The following CC2D2B variants were observed in gnomAD, a reference collection of about 807,000 sequenced individuals.
CC2D2B encodes the protein protein CC2D2B.
A neutral mutation model predicts 161.2 loss-of-function variants in CC2D2B; 128 were observed. The ratio of observed to expected loss-of-function variants is 0.79; its 90% CI spans 0.69 to 0.92. CC2D2B has a LOEUF of 0.92. Among genes scored for constraint, CC2D2B ranks in the 40% least tolerant of loss-of-function variants. The pLI, the probability that CC2D2B is intolerant of heterozygous loss-of-function variation, is 0.00. For missense variants in CC2D2B, 1,173 were observed against 1,375.1 expected (o/e 0.85, Z 2.32); for synonymous variants, 391 against 449.8 (o/e 0.87, Z 1.65).
At chr10:95,960,304 T>G (rs1306171614) in intron 11 of CC2D2B, among the ~76,000 whole-genome samples, 1 of 152,190 alleles carries the variant, frequency 6.6e-6, no homozygotes, top group Non-Finnish European at 1.5e-5. Flanking sequence ...TTACAAAAAA[T>G]GTTGGTAACA....
chr10:95,976,580 A>G (rs1405433900), intron 17 of CC2D2B, among the ~76,000 whole-genome samples: 1 of 152,168 alleles, frequency 6.6e-6, no homozygotes, highest in African/African-American at 2.4e-5. Flanking sequence ...GGTTCTAGGA[A>G]TTGGGATGGG....
intron 25 of CC2D2B, among the ~76,000 whole-genome samples, chr10:96,004,577 T>C (rs190671535): frequency 7.7e-4 from 118 of 152,318 alleles, no homozygotes; most frequent in Middle Eastern, 3.4e-3. Flanking sequence ...TACATATATC[T>C]TATTATCTGA....
At chr10:95,955,317 C>T (rs1033821344) in intron 10 of CC2D2B, 77 bp from the exon 11 acceptor site, 2 of 396,368 alleles carry the variant, frequency 5.0e-6, no homozygotes, top group African/African-American at 4.1e-5. Flanking sequence ...CTGCACACAC[C>T]TTGACCTACA....
At chr10:95,976,021 A>G (rs539308652) in intron 17 of CC2D2B, among the ~76,000 whole-genome samples, 1 of 152,286 alleles carries the variant, frequency 6.6e-6, no homozygotes, top group Non-Finnish European at 1.5e-5. Context: ...ACTTTTATGC[A>G]GGTAATTTGC....
chr10:96,006,294 T>G (rs2078745945), intron 25 of CC2D2B, among the ~76,000 whole-genome samples: 1 of 149,542 alleles, frequency 6.7e-6, no homozygotes, highest in Admixed American at 6.7e-5. Context: ...GCTATGTATT[T>G]TATATTTAGT....
intron 25 of CC2D2B, among the ~76,000 whole-genome samples, chr10:96,006,962 TC>T (rs777619744): frequency 2.0e-5 from 3 of 152,196 alleles, no homozygotes; most frequent in Non-Finnish European, 2.9e-5. Flanking sequence ...GTATTGTTGA[TC>T]TTAAAATTCT....
intron 6 of CC2D2B, among the ~76,000 whole-genome samples, chr10:95,934,435 A>G (rs2075734097): frequency 9.1e-6 from 1 of 110,078 alleles, no homozygotes; most frequent in Non-Finnish European, 1.9e-5. Context: ...CCACTGGGGT[A>G]TGAAAAAAAA....
intron 1 of CC2D2B, among the ~76,000 whole-genome samples, chr10:95,909,002 T>C (rs2098501313): frequency 6.6e-6 from 1 of 152,166 alleles, no homozygotes; most frequent in South Asian, 2.1e-4. Context: ...CAAATCTTTC[T>C]TGATCTACAG....
chr10:95,910,118 T>G (rs950439080), intron 1 of CC2D2B, among the ~76,000 whole-genome samples: 1 of 152,212 alleles, frequency 6.6e-6, no homozygotes, highest in Admixed American at 6.5e-5. Context: ...ATCATGCCAC[T>G]GCACTTCAGC....
Position 95,992,535 on chromosome 10 carries a change from C to T in CC2D2B, c.2480C>T (p.Thr827Ile). 8.1e-7 allele frequency: 1 copy of T among 1,234,078 alleles called. No individual in the cohort carries two copies. The highest frequency in any genetic ancestry group is 4.1e-5 in the South Asian group (1 of 24,388). The allele number at this position is 1,234,078 out of a possible 1,614,324, so 76.4% of individuals were successfully genotyped here. The change falls in exon 22 of 35, where the codon ACA becomes ATA. Residue 827 changes from threonine to isoleucine, a missense_variant. Physicochemically the swap from Thr to Ile is moderately conservative, Grantham distance 89. Around this residue, in one of 3 missense-constraint regions of CC2D2B, gnomAD observed 598 missense variants for 693.2 expected, o/e 0.86. Transcript: ENST00000646931. ...YEEIVSTSQL[T>I]DAVCKFVEPR... ...CATTTTTTACCCTTTAGCCAATTGA[C>T]AGATGCAGTTTGTAAGTTTGTTGAA...
chr10:96,029,247 T>C (rs2079923872), intron 34 of CC2D2B, among the ~76,000 whole-genome samples: 3 of 16,594 alleles, frequency 1.8e-4, no homozygotes, highest in Middle Eastern at 0.02. Context: ...GTACCATATA[T>C]ATATATATAT....
intron 20 of CC2D2B, among the ~76,000 whole-genome samples, chr10:95,989,392 C>T (rs578185860): frequency 5.9e-5 from 9 of 152,254 alleles, no homozygotes; most frequent in Admixed American, 2.6e-4. Context: ...GAATGTGGAC[C>T]GCTGTAGCTC....
chr10:95,958,525 A>T (rs2076656837), intron 11 of CC2D2B, among the ~76,000 whole-genome samples: 1 of 146,242 alleles, frequency 6.8e-6, no homozygotes, highest in Non-Finnish European at 1.5e-5. Context: ...TAATTAAATA[A>T]ACCACATATA....
Position 95,983,747 on chromosome 10 carries a change from G to C in CC2D2B, c.2224G>C (p.Asp742His), listed in dbSNP as rs4628615. The C allele has an allele frequency of 8.1e-7, 1 of 1,231,304 alleles. No homozygotes were observed. Among genetic ancestry groups the C allele is most frequent in the Non-Finnish European group, 1.0e-6 (1 of 987,298 alleles). The allele number at this position is 1,231,304 out of a possible 1,614,324, so 76.3% of individuals were successfully genotyped here. A position where few individuals can be genotyped will look rare whatever the true frequency, so the allele number is the denominator to read the frequency against. ...LLQLRNAGQL[D>H]NFLLQQMPLH... ...GCAACTTAGAAATGCAGGTCAATTA[G>C]ATAATTTCCTTCTACAGCAAATGCC... The change falls in exon 19 of 35, where the codon GAT (aspartate) becomes CAT (histidine). Residue 742 changes from aspartate to histidine, a missense_variant. This residue lies in a region of CC2D2B where 277 missense variants were observed against 420.6 expected (regional missense o/e 0.66). Coordinates refer to ENST00000646931, the MANE Select transcript of CC2D2B (RefSeq NM_001349008.3).
chr10:95,919,759 T>C (rs914900197), intron 2 of CC2D2B: 1 of 152,180 alleles, frequency 6.6e-6, no homozygotes, highest in Non-Finnish European at 1.5e-5. Flanking sequence ...CAGGTTCCCT[T>C]CTGGCCCAGG....
chr10:96,014,572 A>C (rs1468761767), intron 29 of CC2D2B, among the ~76,000 whole-genome samples: 1 of 152,220 alleles, frequency 6.6e-6, no homozygotes, highest in South Asian at 2.1e-4. Flanking sequence ...AAACAAACAA[A>C]CAACCTTGGT....
At chr10:96,002,149 C>T (rs1040817948) in intron 24 of CC2D2B, among the ~76,000 whole-genome samples, 2 of 152,048 alleles carry the variant, frequency 1.3e-5, no homozygotes, top group African/African-American at 4.8e-5. Flanking sequence ...TATAAGTGAA[C>T]TAATGAGAAG....
intron 14 of CC2D2B, among the ~76,000 whole-genome samples, chr10:95,967,760 C>T (rs1045030527): frequency 9.9e-5 from 15 of 152,062 alleles, no homozygotes; most frequent in Admixed American, 8.5e-4. Context: ...GGAATATGGT[C>T]GAAAGAGGCC....
chr10:95,917,340 A>T (rs1021867412), intron 2 of CC2D2B, among the ~76,000 whole-genome samples: 2 of 151,888 alleles, frequency 1.3e-5, no homozygotes, highest in Non-Finnish European at 2.9e-5. Context: ...ATGTCTTTTG[A>T]TTAGAGAGTT....
Sources: gnomAD v4.1 joint callset for allele counts (sites outside exome capture counted in the v4.1 genomes callset) on GRCh38, gnomAD v4.1.1 for gene constraint, gnomAD v4.1.1 regional missense constraint, MANE v1.5 for transcripts, NCBI Gene and HGNC (gene_info 2026-07-23, HGNC 2026-07-21) for gene names.